Variants in BBS9 observed in about 807,000 individuals in gnomAD.
BBS9 encodes Bardet-Biedl syndrome 9, also known as protein PTHB1.
BBS9 carries 89 observed loss-of-function variants against 117.7 expected under a neutral mutation model. That is an observed-to-expected ratio of 0.76 (90% confidence interval 0.64 to 0.90). The LOEUF is 0.90. BBS9 is among the 40% of genes least tolerant of loss of function. The pLI, the probability that BBS9 is intolerant of heterozygous loss-of-function variation, is 0.00. For missense variants in BBS9, 982 were observed against 1,042.2 expected (o/e 0.94, Z 0.80); for synonymous variants, 379 against 370.9 (o/e 1.02, Z -0.25).
At chr7:33,545,217 C>G (rs1853106361) in intron 21 of BBS9, among the ~76,000 whole-genome samples, 1 of 152,164 alleles carries the variant, frequency 6.6e-6, no homozygotes, top group African/African-American at 2.4e-5. Flanking sequence ...CAGGAGGCTT[C>G]TTGTCCCTAG....
intron 9 of BBS9, among the ~76,000 whole-genome samples, chr7:33,323,833 C>CTTTTT (rs1227126451): frequency 1.5e-4 from 16 of 105,164 alleles, no homozygotes; most frequent in Non-Finnish European, 2.3e-4. Flanking sequence ...TCCTGTCTTC[C>CTTTTT]TTTTTTTTTT....
At chr7:33,422,455 T>C (rs1833001873) in intron 19 of BBS9, among the ~76,000 whole-genome samples, 1 of 152,210 alleles carries the variant, frequency 6.6e-6, no homozygotes, top group Non-Finnish European at 1.5e-5. Flanking sequence ...TGATATTTTT[T>C]AGTGGTTTGT....
intron 6 of BBS9, among the ~76,000 whole-genome samples, chr7:33,263,876 TA>T (rs1347150673): frequency 1.3e-5 from 2 of 152,150 alleles, no homozygotes; most frequent in African/African-American, 4.8e-5. Flanking sequence ...AAACTGGGGT[TA>T]AACTGAGTTC....
chr7:33,260,552 A>G (rs973449002), intron 6 of BBS9, among the ~76,000 whole-genome samples: 6 of 152,230 alleles, frequency 3.9e-5, no homozygotes, highest in Non-Finnish European at 8.8e-5. Flanking sequence ...TGTGTTAAAC[A>G]TCTCTTCACT....
At chr7:33,184,469 T>C (rs1798538579) in intron 5 of BBS9, among the ~76,000 whole-genome samples, 1 of 152,168 alleles carries the variant, frequency 6.6e-6, no homozygotes, top group Non-Finnish European at 1.5e-5. Flanking sequence ...GAGAGGGGCC[T>C]CTAACCGCCT....
intron 5 of BBS9, among the ~76,000 whole-genome samples, chr7:33,237,538 G>T (rs953476876): frequency 6.6e-6 from 1 of 152,142 alleles, no homozygotes; most frequent in African/African-American, 2.4e-5. Context: ...TCACTTAAGA[G>T]TAGTGGTATG....
At chr7:33,308,183 G>C (rs979579340) in intron 9 of BBS9, among the ~76,000 whole-genome samples, 3 of 152,172 alleles carry the variant, frequency 2.0e-5, no homozygotes, top group Admixed American at 1.3e-4. Flanking sequence ...GCCTCATGAA[G>C]ACATCATTAG....
At chr7:33,207,585 G>A (rs1787176175) in intron 5 of BBS9, among the ~76,000 whole-genome samples, 1 of 146,648 alleles carries the variant, frequency 6.8e-6, no homozygotes, top group Non-Finnish European at 1.5e-5. Flanking sequence ...ATAGTAAGAT[G>A]TTCCAGGCTA....
intron 9 of BBS9, among the ~76,000 whole-genome samples, chr7:33,327,661 T>C (rs903138083): frequency 3.3e-5 from 5 of 152,144 alleles, no homozygotes; most frequent in African/African-American, 1.2e-4. Flanking sequence ...ACCACTGCAC[T>C]CCAGCCTGAG....
rs34415284 is a variant in BBS9, at chr7:33,635,227, TC to T, written c.2575del (p.Leu859Ter). On this transcript the variant is annotated frameshift_variant, in exon 22 of 22. Coordinates refer to the BBS9 transcript ENST00000671952. LOFTEE classifies it high-confidence loss of function. ...GGCCTGGACCCTAAGAATACCCCAC[TC>T]CCTGAGCCAGCATCTCCAGCTGATG... Among the ~76,000 whole-genome samples, 93,653 of 151,880 alleles carry T rather than the reference TC, an allele frequency of 0.62. 31,043 individuals carry two copies. The highest frequency in any genetic ancestry group is 0.75 in the Non-Finnish European group (51,114 of 67,958).
At chr7:33,565,781 G>A (rs1585278875) in intron 21 of BBS9, among the ~76,000 whole-genome samples, 5 of 65,670 alleles carry the variant, frequency 7.6e-5, no homozygotes, top group East Asian at 3.3e-4. Context: ...GCTATCAGTA[G>A]TATATATATA....
intron 16 of BBS9, among the ~76,000 whole-genome samples, chr7:33,360,332 G>A (rs1820389823): frequency 1.3e-5 from 2 of 151,884 alleles, no homozygotes; most frequent in South Asian, 4.2e-4. Context: ...ACTTCCTTAA[G>A]GAATACCAGT....
intron 5 of BBS9, among the ~76,000 whole-genome samples, chr7:33,196,673 T>G (rs1418487702): frequency 2.0e-5 from 3 of 152,144 alleles, no homozygotes; most frequent in Non-Finnish European, 4.4e-5. Context: ...GGCATTAAAG[T>G]GTAGGTGTTT....
chr7:33,446,037 A>T (rs1836943012), intron 19 of BBS9, among the ~76,000 whole-genome samples: 1 of 152,236 alleles, frequency 6.6e-6, no homozygotes. Flanking sequence ...TTGAAGCAGA[A>T]AATGTATAAT....
chr7:33,596,324 A>G (rs1198068285), intron 21 of BBS9, among the ~76,000 whole-genome samples: 1 of 150,456 alleles, frequency 6.6e-6, no homozygotes, highest in Non-Finnish European at 1.5e-5. Flanking sequence ...GTGACTATTG[A>G]TACATATAAT....
At chr7:33,497,154 G>A (rs955744363) in intron 19 of BBS9, among the ~76,000 whole-genome samples, 2 of 152,146 alleles carry the variant, frequency 1.3e-5, no homozygotes, top group African/African-American at 4.8e-5. Flanking sequence ...TCTGTTTGGT[G>A]TTTAGGAAGC....
chr7:33,624,085 C>T (rs530229889), intron 21 of BBS9, among the ~76,000 whole-genome samples: 2 of 152,128 alleles, frequency 1.3e-5, no homozygotes, highest in African/African-American at 4.8e-5. Flanking sequence ...TAATTTCCCT[C>T]ATGATTCTGA....
intron 19 of BBS9, among the ~76,000 whole-genome samples, chr7:33,481,544 A>T (rs1563235108): frequency 6.6e-6 from 1 of 152,224 alleles, no homozygotes; most frequent in Non-Finnish European, 1.5e-5. Flanking sequence ...AAATATGCTT[A>T]TGTGATACAA....
intron 21 of BBS9, among the ~76,000 whole-genome samples, chr7:33,559,373 A>G (rs1855754133): frequency 6.6e-6 from 1 of 152,176 alleles, no homozygotes; most frequent in South Asian, 2.1e-4. Context: ...GCTGCTCTTT[A>G]AGAATGGAGT....
Sources: allele counts gnomAD v4.1 joint callset (sites outside exome capture counted in the v4.1 genomes callset), GRCh38; gene constraint gnomAD v4.1.1; transcripts MANE v1.5; gene names NCBI Gene and HGNC (gene_info 2026-07-23, HGNC 2026-07-21).